The following CNTNAP2 variants were observed in gnomAD, a reference collection of about 807,000 sequenced individuals.
CNTNAP2 encodes contactin-associated protein-like 2.
Under a neutral mutation model 155.2 loss-of-function variants are expected in CNTNAP2, and 98 were observed. The observed-to-expected ratio is 0.63, with a 90% confidence interval of 0.54 to 0.75. The LOEUF (loss-of-function observed/expected upper bound fraction) is 0.75, where lower values mean the gene tolerates loss of function less well. Ranked by LOEUF, CNTNAP2 falls within the 30% of genes least tolerant of loss-of-function variation. The pLI, the probability that CNTNAP2 is intolerant of heterozygous loss-of-function variation, is 0.00. For missense variants in CNTNAP2, 1,727 were observed against 1,688.1 expected, an observed-to-expected ratio of 1.02 and a Z score of -0.40; for synonymous variants, 651 against 631.2, an observed-to-expected ratio of 1.03 and a Z score of -0.47.
In CNTNAP2 at chr7:147,654,808, C is replaced by CTTTTTTTTT. The variant is rs1186575442; in HGVS notation, c.2098+15517_2098+15525dup. ...AGCTATAGCCTAGCAAAATATATTT[C>CTTTTTTTTT]TTTTTTTTTTTTTTTTTTTTTTTGA... On this transcript the variant is annotated intron_variant, in intron 13 of 23. Transcript: ENST00000361727. Among the ~76,000 whole-genome samples, 56 of 97,308 alleles carry CTTTTTTTTT rather than the reference C, an allele frequency of 5.8e-4. 2 individuals are homozygous for CTTTTTTTTT. The highest frequency in any genetic ancestry group is 2.0e-3 in the Admixed American group (14 of 7,062). 63.8% of individuals were successfully genotyped at this position (97,308 alleles called of 152,430 possible).
chr7:148,283,100 A>G (rs968735626), intron 21 of CNTNAP2, among the ~76,000 whole-genome samples: 1 of 151,616 alleles, frequency 6.6e-6, no homozygotes, highest in Non-Finnish European at 1.5e-5. Flanking sequence ...TTAGCCAGGT[A>G]TGGTGGCAGG....
intron 1 of CNTNAP2, among the ~76,000 whole-genome samples, chr7:146,193,660 C>G (rs571116503): frequency 6.6e-6 from 1 of 152,308 alleles, no homozygotes; most frequent in East Asian, 1.9e-4. Flanking sequence ...ATGGGAGGGG[C>G]TGCCATGAAG....
At chr7:146,936,768 C>T (rs560038124) in intron 3 of CNTNAP2, among the ~76,000 whole-genome samples, 4 of 152,288 alleles carry the variant, frequency 2.6e-5, no homozygotes, top group South Asian at 2.1e-4. Context: ...AGGGCAAACA[C>T]TGAACTGTAA....
chr7:146,186,578 T>C (rs980504271), intron 1 of CNTNAP2, among the ~76,000 whole-genome samples: 4 of 152,204 alleles, frequency 2.6e-5, no homozygotes, highest in African/African-American at 4.8e-5. Flanking sequence ...TTATAGTGTC[T>C]TGCATTTCCT....
chr7:146,364,555 G>A (rs1795129033), intron 1 of CNTNAP2, among the ~76,000 whole-genome samples: 1 of 152,088 alleles, frequency 6.6e-6, no homozygotes, highest in Admixed American at 6.6e-5. Context: ...GGAGGAAACT[G>A]TAATGATTAA....
chr7:146,437,448 G>T (rs930935640), intron 1 of CNTNAP2, among the ~76,000 whole-genome samples: 2 of 151,400 alleles, frequency 1.3e-5, no homozygotes, highest in South Asian at 2.1e-4. Context: ...ATATTATCTA[G>T]TGAAATGCGT....
intron 12 of CNTNAP2, among the ~76,000 whole-genome samples, chr7:147,634,938 T>A (rs1300120870): frequency 6.6e-6 from 1 of 152,136 alleles, no homozygotes; most frequent in Non-Finnish European, 1.5e-5. Context: ...GTGGACTCTT[T>A]GTATACCTGA....
intron 2 of CNTNAP2, among the ~76,000 whole-genome samples, chr7:146,808,174 A>G (rs1239686761): frequency 6.6e-6 from 1 of 152,192 alleles, no homozygotes; most frequent in Non-Finnish European, 1.5e-5. Context: ...ATTGAAGCAT[A>G]CAACTGTGTT....
chr7:147,167,471 C>T, intron 8 of CNTNAP2: 2 of 1,052,624 alleles, frequency 1.9e-6, no homozygotes, highest in South Asian at 2.7e-5. Flanking sequence ...CCATGCCTGC[C>T]CCTGCCCCAC....
intron 1 of CNTNAP2, among the ~76,000 whole-genome samples, chr7:146,342,836 A>G (rs1317569644): frequency 6.6e-6 from 1 of 152,150 alleles, no homozygotes. Flanking sequence ...TTAGGGTAAG[A>G]TATTATTTCT....
intron 11 of CNTNAP2, among the ~76,000 whole-genome samples, chr7:147,524,611 G>A (rs1402925854): frequency 6.6e-6 from 1 of 152,160 alleles, no homozygotes; most frequent in African/African-American, 2.4e-5. Context: ...TGTAACTAAG[G>A]TTCAGGTCAG....
intron 1 of CNTNAP2, among the ~76,000 whole-genome samples, chr7:146,605,609 A>G (rs1024895438): frequency 6.6e-5 from 10 of 152,202 alleles, no homozygotes; most frequent in African/African-American, 2.4e-4. Context: ...GAGGTTTGCC[A>G]TATCATGGAT....
chr7:147,795,713 A>G (rs1402956515), intron 13 of CNTNAP2, among the ~76,000 whole-genome samples: 1 of 152,166 alleles, frequency 6.6e-6, no homozygotes, highest in Non-Finnish European at 1.5e-5. Context: ...GGTGCTAGTA[A>G]AGAAATCTGG....
intron 13 of CNTNAP2, among the ~76,000 whole-genome samples, chr7:147,814,862 T>C (rs1285521316): frequency 6.6e-6 from 1 of 152,180 alleles, no homozygotes; most frequent in Non-Finnish European, 1.5e-5. Context: ...TAAACAATTA[T>C]TGGGTTCCTG....
chr7:146,930,198 G>T lies in CNTNAP2; in HGVS notation c.402+90294G>T, dbSNP rs1474819615. Among the ~76,000 whole-genome samples, 6 of 152,242 alleles carry T rather than the reference G, an allele frequency of 3.9e-5. No individual in the cohort carries two copies. In the South Asian group the frequency reaches 1.0e-3, roughly 26 times the overall value. On this transcript the variant is annotated intron_variant, in intron 3 of 23. Transcript: ENST00000361727. ...AAGGGCAGCCAGAGAGAAAGGTCGG[G>T]TTACCCTCAAAGGGAAGCCCATCAG...
intron 1 of CNTNAP2, among the ~76,000 whole-genome samples, chr7:146,636,659 C>T (rs2129160080): frequency 6.6e-6 from 1 of 152,306 alleles, no homozygotes; most frequent in African/African-American, 2.4e-5. Flanking sequence ...ATTTTAATTT[C>T]CCTTCAGCTT....
chr7:146,526,553 G>T (rs1178245636), intron 1 of CNTNAP2, among the ~76,000 whole-genome samples: 2 of 151,996 alleles, frequency 1.3e-5, no homozygotes, highest in Admixed American at 6.6e-5. Flanking sequence ...CCAAGGGGAT[G>T]GTGCTCAACC....
chr7:146,480,492 A>G (rs1796942894), intron 1 of CNTNAP2, among the ~76,000 whole-genome samples: 1 of 151,798 alleles, frequency 6.6e-6, no homozygotes, highest in African/African-American at 2.4e-5. Context: ...CTTGAAGAAC[A>G]TAATATTAAT....
At chr7:147,324,010 T>C (rs1428011532) in intron 9 of CNTNAP2, among the ~76,000 whole-genome samples, 2 of 150,010 alleles carry the variant, frequency 1.3e-5, no homozygotes, top group African/African-American at 5.0e-5. Context: ...ATTATACATT[T>C]CTTAGTTTCC....
Sources: gnomAD v4.1 joint callset for allele counts (sites outside exome capture counted in the v4.1 genomes callset) on GRCh38, gnomAD v4.1.1 for gene constraint, MANE v1.5 for transcripts, NCBI Gene and HGNC (gene_info 2026-07-23, HGNC 2026-07-21) for gene names.